Variants in MTUS2 observed in about 807,000 individuals in gnomAD.
MTUS2 encodes microtubule-associated tumor suppressor candidate 2.
A neutral mutation model predicts 114.1 loss-of-function variants in MTUS2; 40 were observed. The ratio of observed to expected loss-of-function variants is 0.35; its 90% CI spans 0.27 to 0.46. MTUS2 has a LOEUF of 0.46. MTUS2 is among the 20% of genes least tolerant of loss of function. MTUS2 has a pLI of 1.00. For synonymous variants in MTUS2, 688 were observed against 672.0 expected (o/e 1.02, Z -0.37); for missense variants, 1,679 against 1,705.4 (o/e 0.98, Z 0.27).
In MTUS2 at chr13:29,024,608, A is replaced by C. The variant is rs1288479399; in HGVS notation, c.-91A>C. The C allele has an allele frequency of 3.4e-5, 51 of 1,481,458 alleles. No individual in the cohort carries two copies. Among genetic ancestry groups the C allele is most frequent in the Non-Finnish European group, 3.8e-5 (42 of 1,093,258 alleles). The allele number at this position is 1,481,458 out of a possible 1,614,324, so 91.8% of individuals were successfully genotyped here. On this transcript the variant is annotated 5_prime_UTR_variant, in exon 3 of 16. It removes the in-frame stop codon of an upstream open reading frame in the 5' UTR. Coordinates refer to ENST00000612955, the MANE Select transcript of MTUS2 (RefSeq NM_001033602.4). Reference sequence around the variant, plus strand: ...TTGTCAGGGGAGAACAAGCAGCTTGAGAATTTCCTCTTAATCTGATTGCAG... The same window carrying C: ...TTGTCAGGGGAGAACAAGCAGCTTGCGAATTTCCTCTTAATCTGATTGCAG...
At chr13:29,454,423 TCTGA>T (rs1480343017) in intron 9 of MTUS2, among the ~76,000 whole-genome samples, 1 of 152,232 alleles carries the variant, frequency 6.6e-6, no homozygotes, top group African/African-American at 2.4e-5. Context: ...CAGGAATGGT[TCTGA>T]CTTTCAGGGA....
chr13:29,386,696 A>G (rs1279352301), intron 8 of MTUS2, among the ~76,000 whole-genome samples: 1 of 152,180 alleles, frequency 6.6e-6, no homozygotes, highest in Non-Finnish European at 1.5e-5. Flanking sequence ...TTATTCATGT[A>G]TATTATGTAC....
At chr13:29,079,247 T>G (rs1314019518) in intron 4 of MTUS2, among the ~76,000 whole-genome samples, 4 of 152,194 alleles carry the variant, frequency 2.6e-5, no homozygotes, top group African/African-American at 4.8e-5. Context: ...CCTATTCAAT[T>G]TATTTGCTAA....
chr13:29,381,227 T>G (rs1290862194), intron 8 of MTUS2, among the ~76,000 whole-genome samples: 1 of 152,060 alleles, frequency 6.6e-6, no homozygotes, highest in African/African-American at 2.4e-5. Context: ...AGGAAAAAAC[T>G]TAGGACAGAT....
Position 28,948,169 on chromosome 13 carries a change from C to T in MTUS2, c.-242-76288C>T, listed in dbSNP as rs59931649. On this transcript the variant is annotated intron_variant, in intron 2 of 15. Coordinates refer to ENST00000612955, the MANE Select transcript of MTUS2 (RefSeq NM_001033602.4). ...TAATCTGACTTCCAAAATCTAAACT[C>T]ATTTAGGGTAGGAACTTTGTGCCTA... is the stretch of plus-strand genomic sequence containing the variant. 5.5e-4 allele frequency among the ~76,000 whole-genome samples: 83 copies of T among 152,258 alleles called. 4 individuals carry two copies. In the East Asian group the frequency reaches 0.011, roughly 20 times the overall value.
At chr13:29,255,092 A>G (rs912232447) in intron 5 of MTUS2, among the ~76,000 whole-genome samples, 4 of 152,146 alleles carry the variant, frequency 2.6e-5, no homozygotes, top group African/African-American at 9.7e-5. Context: ...CGGTGCACAC[A>G]TGCATCGGCA....
At chr13:28,889,807 C>T (rs1235408896) in intron 2 of MTUS2, among the ~76,000 whole-genome samples, 3 of 152,132 alleles carry the variant, frequency 2.0e-5, no homozygotes, top group Non-Finnish European at 2.9e-5. Flanking sequence ...GCATGACCCC[C>T]ATAAGCTCCC....
At position 29,375,622 on chromosome 13, in the gene MTUS2, TATATATATATATATATACACAC is replaced by T. The variant is rs1468890799; in HGVS notation, c.3117+16151_3117+16172del. On this transcript the variant is annotated intron_variant, in intron 8 of 15. Transcript: ENST00000612955. ...ATATATATATACGTATATATATATA[TATATATATATATATATACACAC>T]ACCATGAAATACCACTCAGCTATAA... Among the ~76,000 whole-genome samples the T allele has an allele frequency of 7.0e-3, 94 of 13,440 alleles. 29 individuals are homozygous for T. The South Asian group carries it at 0.073, about 10-fold the overall frequency. The allele number at this position is 13,440 out of a possible 152,430, so 8.8% of individuals were successfully genotyped here. A position where few individuals can be genotyped will look rare whatever the true frequency, so the allele number is the denominator to read the frequency against.
intron 2 of MTUS2, among the ~76,000 whole-genome samples, chr13:28,882,441 A>G (rs182532506): frequency 6.6e-6 from 1 of 152,290 alleles, no homozygotes; most frequent in African/African-American, 2.4e-5. Flanking sequence ...AACATTAATA[A>G]AACAGACTTT....
chr13:29,349,552 TA>T (rs1869046399), intron 7 of MTUS2, among the ~76,000 whole-genome samples: 1 of 152,186 alleles, frequency 6.6e-6, no homozygotes, highest in Non-Finnish European at 1.5e-5. Flanking sequence ...GGACTTCCTT[TA>T]ACATTTATTG....
At chr13:29,023,693 A>G (rs1886387595) in intron 2 of MTUS2, among the ~76,000 whole-genome samples, 1 of 152,212 alleles carries the variant, frequency 6.6e-6, no homozygotes, top group Non-Finnish European at 1.5e-5. Context: ...CTTTGCTAAC[A>G]TGTTTTGAAA....
chr13:29,066,360 C>T (rs1473576774), intron 4 of MTUS2, among the ~76,000 whole-genome samples: 1 of 152,206 alleles, frequency 6.6e-6, no homozygotes, highest in African/African-American at 2.4e-5. Context: ...ACATCAAGAT[C>T]TCTTGAATAA....
intron 5 of MTUS2, among the ~76,000 whole-genome samples, chr13:29,276,764 G>C (rs1053691676): frequency 3.9e-5 from 6 of 152,166 alleles, no homozygotes. Flanking sequence ...CAGCCATGGT[G>C]GTGGGCGCCT....
intron 5 of MTUS2, among the ~76,000 whole-genome samples, chr13:29,208,457 T>C (rs1258280691): frequency 6.6e-6 from 1 of 152,054 alleles, no homozygotes; most frequent in Non-Finnish European, 1.5e-5. Flanking sequence ...GTTATTTCTT[T>C]TCTTCTGCTG....
chr13:28,837,400 G>A (rs1023080363), intron 1 of MTUS2, among the ~76,000 whole-genome samples: 2 of 152,220 alleles, frequency 1.3e-5, no homozygotes, highest in African/African-American at 2.4e-5. Flanking sequence ...ATCAGCTTCC[G>A]TGTACTGTTT....
Position 29,321,032 on chromosome 13 carries a change from A to G in MTUS2, c.2807-3581A>G, listed in dbSNP as rs1273946513. ...AGTTAACCAGCTCCATTTGGGGAAC[A>G]GTGTTTTTTGTCATCAAATAGATAA... On this transcript the variant is annotated intron_variant, in intron 6 of 15. Transcript: ENST00000612955. Among the ~76,000 whole-genome samples, 7 of 152,348 alleles carry G rather than the reference A, an allele frequency of 4.6e-5. No homozygotes were observed. The South Asian group carries it at 8.3e-4, about 18-fold the overall frequency.
At chr13:28,945,488 C>T (rs1430313608) in intron 2 of MTUS2, among the ~76,000 whole-genome samples, 2 of 152,086 alleles carry the variant, frequency 1.3e-5, no homozygotes, top group Admixed American at 6.6e-5. Flanking sequence ...TCCTTGCCAA[C>T]ATCTTGTTAT....
At chr13:29,416,811 C>A (rs1468210242) in intron 8 of MTUS2, among the ~76,000 whole-genome samples, 8 of 147,684 alleles carry the variant, frequency 5.4e-5, no homozygotes, top group Admixed American at 3.5e-4. Flanking sequence ...ATTAAGTGAC[C>A]TTTTTGCCTA....
intron 7 of MTUS2, among the ~76,000 whole-genome samples, chr13:29,343,059 A>G (rs926719179): frequency 3.4e-5 from 5 of 148,408 alleles, no homozygotes; most frequent in African/African-American, 9.8e-5. Flanking sequence ...GATTCCATTA[A>G]CTAGTATTTT....
Sources: gnomAD v4.1 joint callset for allele counts (sites outside exome capture counted in the v4.1 genomes callset) on GRCh38, gnomAD v4.1.1 for gene constraint, MANE v1.5 for transcripts, NCBI Gene and HGNC (gene_info 2026-07-23, HGNC 2026-07-21) for gene names.